The following ANKRD30B variants were observed in gnomAD, a reference collection of about 807,000 sequenced individuals.
The protein encoded by ANKRD30B is ankyrin repeat domain 30B.
A neutral mutation model predicts 202.2 loss-of-function variants in ANKRD30B; 144 were observed. That is an observed-to-expected ratio of 0.71 (90% CI 0.62 to 0.82). ANKRD30B has a LOEUF of 0.82. Ranked by LOEUF, ANKRD30B falls within the 40% of genes least tolerant of loss-of-function variation. The pLI is 0.00. For missense variants in ANKRD30B, 1,487 were observed against 1,669.1 expected (o/e 0.89, Z 1.90); for synonymous variants, 508 against 561.3 (o/e 0.91, Z 1.34).
At position 14,766,493 on chromosome 18, in the gene ANKRD30B, A is replaced by AAAAAGAAAAGAAAAGAAAAGAAAAG. The variant is rs1209587925; in HGVS notation, c.1225+2408_1225+2432dup. Among the ~76,000 whole-genome samples, 184 of 85,006 alleles carry AAAAAGAAAAGAAAAGAAAAGAAAAG rather than the reference A, an allele frequency of 2.2e-3. 4 individuals carry two copies. Among genetic ancestry groups the AAAAAGAAAAGAAAAGAAAAGAAAAG allele is most frequent in the Non-Finnish European group, 3.6e-3 (132 of 37,076 alleles). The allele number at this position is 85,006 out of a possible 152,430, so 55.8% of individuals were successfully genotyped here. On this transcript the variant is annotated intron_variant, in intron 7 of 43. Coordinates refer to ENST00000690538, the MANE Select transcript of ANKRD30B (RefSeq NM_001367607.2). ...ATCTCAAAAAAAAAAAAAAAAAAAA[A>AAAAAGAAAAGAAAAGAAAAGAAAAG]AAAAGAAAAGAAAAGAAAAGAAAAG...
chr18:14,800,568 C>T (rs1299737830), intron 22 of ANKRD30B, among the ~76,000 whole-genome samples: 2 of 151,006 alleles, frequency 1.3e-5, no homozygotes, highest in African/African-American at 4.9e-5. Flanking sequence ...TTGTAATCCA[C>T]CCACCTCGGC....
chr18:14,800,644 A>G (rs1330300069), intron 22 of ANKRD30B, among the ~76,000 whole-genome samples: 1 of 146,942 alleles, frequency 6.8e-6, no homozygotes, highest in East Asian at 2.0e-4. Flanking sequence ...TTACACTAGT[A>G]CCATTTATTG....
rs1488615618 is a variant in ANKRD30B at position 14,748,605 on chromosome 18, G to GC, written c.189dup (p.Val64ArgfsTer37). The GC allele has an allele frequency of 2.6e-6, 4 of 1,567,064 alleles. No individual in the cohort carries two copies. In the South Asian group the frequency reaches 4.7e-5, roughly 18 times the overall value. ...TGGAGAAGATGACAGTAGGGAAGAA[G>GC]CCCGTCAACCTGAACAAAAGAGATA... On this transcript the variant is annotated frameshift_variant, in exon 1 of 44. Coordinates refer to ENST00000690538, the MANE Select transcript of ANKRD30B (RefSeq NM_001367607.2). LOFTEE classifies it high-confidence loss of function.
At chr18:14,887,573 C>A in the ANKRD30B span, among the ~76,000 whole-genome samples, 1 of 151,656 alleles carries the variant, frequency 6.6e-6, no homozygotes, top group East Asian at 1.9e-4. Flanking sequence ...TTGCTTCAGG[C>A]TCTCATTTTT....
chr18:14,874,040 T>C, the ANKRD30B span, among the ~76,000 whole-genome samples: 2,539 of 152,290 alleles, frequency 0.017, 59 homozygotes, highest in African/African-American at 0.058. Context: ...GCCACTTACT[T>C]GCTTAGTCAG....
the ANKRD30B span, chr18:14,906,031 G>C: frequency 1.3e-5 from 2 of 152,010 alleles, no homozygotes; most frequent in Non-Finnish European, 2.9e-5. Context: ...GTCTGTTAGA[G>C]GGCTTAGAGA....
intron 16 of ANKRD30B, among the ~76,000 whole-genome samples, chr18:14,792,637 G>C (rs1354764655): frequency 1.6e-4 from 25 of 151,790 alleles, no homozygotes; most frequent in Non-Finnish European, 1.0e-4. Flanking sequence ...TTAGAGTGTG[G>C]GTGCTCCAGA....
intron 10 of ANKRD30B, among the ~76,000 whole-genome samples, chr18:14,779,046 A>C (rs1427435866): frequency 6.6e-6 from 1 of 152,220 alleles, no homozygotes; most frequent in African/African-American, 2.4e-5. Flanking sequence ...AAGACTACAG[A>C]CGTAGACATT....
intron 16 of ANKRD30B, among the ~76,000 whole-genome samples, chr18:14,792,268 G>A (rs1046802503): frequency 6.6e-6 from 1 of 152,098 alleles, no homozygotes; most frequent in African/African-American, 2.4e-5. Context: ...ACCTTTGTGG[G>A]AAAAATGTGG....
chr18:14,787,316 G>C (rs943775525), intron 15 of ANKRD30B, among the ~76,000 whole-genome samples: 5 of 152,026 alleles, frequency 3.3e-5, no homozygotes, highest in Admixed American at 6.6e-5. Context: ...TTAAGAAGCC[G>C]GTGTGGTATA....
chr18:14,784,413 T>G, intron 13 of ANKRD30B, 49 bp downstream of exon 13: 1 of 1,612,414 alleles, frequency 6.2e-7, no homozygotes, highest in Non-Finnish European at 8.5e-7. Context: ...ACTATGTACT[T>G]TGTGAAGTAC....
chr18:14,822,740 G>T lies in ANKRD30B; in HGVS notation c.2743+63G>T. ...AACATTAAAATATTTGAAGTGCCAA[G>T]AGCCTTTTTATTCCCAATGTTGTTT... On this transcript the variant is annotated intron_variant, in intron 32 of 43. Coordinates refer to ENST00000690538, the MANE Select transcript of ANKRD30B (RefSeq NM_001367607.2). 4.7e-6 allele frequency: 6 copies of T among 1,278,438 alleles called. No individual in the cohort carries two copies. In the South Asian group the frequency reaches 9.1e-5, roughly 19 times the overall value. The allele number at this position is 1,278,438 out of a possible 1,614,324, so 79.2% of individuals were successfully genotyped here.
intron 7 of ANKRD30B, among the ~76,000 whole-genome samples, chr18:14,766,758 TAAG>T (rs1292947713): frequency 6.6e-6 from 1 of 152,132 alleles, no homozygotes; most frequent in Non-Finnish European, 1.5e-5. Flanking sequence ...AGATGTAGAA[TAAG>T]AAGAAAGCCA....
chr18:14,837,528 T>A (rs1259256513), intron 35 of ANKRD30B, 87 bp from the exon 36 acceptor site: 89 of 1,096,048 alleles, frequency 8.1e-5, no homozygotes, highest in Non-Finnish European at 1.1e-4. Context: ...TTTGAAATAC[T>A]CATAAATGGA....
the ANKRD30B span, among the ~76,000 whole-genome samples, chr18:14,889,788 CA>C: frequency 6.6e-6 from 1 of 150,762 alleles, no homozygotes; most frequent in Admixed American, 6.6e-5. Flanking sequence ...ATGAAGAAAC[CA>C]AAATCCAAAG....
chr18:14,835,876 G>C lies in ANKRD30B; in HGVS notation c.2848-1335G>C, dbSNP rs190757594. ...TTAAAAATTTCAAGGTTTTTATAAA[G>C]GTCATTTTGCAGAATCTTGTTTTAG... On this transcript the variant is annotated intron_variant, in intron 34 of 43. Coordinates refer to ENST00000690538, the MANE Select transcript of ANKRD30B (RefSeq NM_001367607.2). 8.0e-4 allele frequency among the ~76,000 whole-genome samples: 121 copies of C among 151,868 alleles called. 2 individuals are homozygous for C. The highest frequency in any genetic ancestry group is 2.6e-3 in the Admixed American group (40 of 15,256).
chr18:14,755,017 CTT>C lies in ANKRD30B; in HGVS notation c.617+20_617+21del. The stretch of plus-strand genomic sequence containing the variant: ...AATGAGTCTAAATGGTATGGTAGTT[CTT>C]TTTTTTTACTAAAAAACACTTGACT... On this transcript the variant is annotated intron_variant, in intron 4 of 43. Transcript: ENST00000690538. 3 of 1,381,524 alleles carry C rather than the reference CTT, an allele frequency of 2.2e-6. No homozygotes were observed. The highest frequency in any genetic ancestry group is 2.9e-6 in the Non-Finnish European group (3 of 1,049,372). The allele number at this position is 1,381,524 out of a possible 1,614,324, so 85.6% of individuals were successfully genotyped here.
chr18:14,892,096 A>G, the ANKRD30B span, among the ~76,000 whole-genome samples: 1 of 152,260 alleles, frequency 6.6e-6, no homozygotes, highest in Non-Finnish European at 1.5e-5. Context: ...ATTGTAAAAT[A>G]TCATTAAGAA....
chr18:14,830,823 G>A (rs987217140), intron 33 of ANKRD30B, among the ~76,000 whole-genome samples: 2 of 152,162 alleles, frequency 1.3e-5, no homozygotes, highest in African/African-American at 4.8e-5. Flanking sequence ...GGAACTAAGA[G>A]TGAGTGTTCA....
Sources: allele counts gnomAD v4.1 joint callset (sites outside exome capture counted in the v4.1 genomes callset), GRCh38; gene constraint gnomAD v4.1.1; transcripts MANE v1.5; gene names NCBI Gene and HGNC (gene_info 2026-07-23, HGNC 2026-07-21).